EYS: variants seen among roughly 807,000 people sequenced by gnomAD.
EYS encodes the protein protein eyes shut homolog.
Under a neutral mutation model 282.1 loss-of-function variants are expected in EYS, and 250 were observed. That is an observed-to-expected ratio of 0.89 (90% CI 0.80 to 0.98). The LOEUF (loss-of-function observed/expected upper bound fraction) is 0.98. Among genes scored for constraint, EYS ranks in the 50% least tolerant of loss-of-function variants. EYS has a pLI of 0.00. For synonymous variants in EYS, 1,355 were observed against 1,282.9 expected (o/e 1.06, Z -1.20); for missense variants, 4,016 against 3,709.0 (o/e 1.08, Z -2.15).
At chr6:65,453,116 C>T (rs1764467990) in intron 5 of EYS, among the ~76,000 whole-genome samples, 1 of 151,932 alleles carries the variant, frequency 6.6e-6, no homozygotes, top group African/African-American at 2.4e-5. Flanking sequence ...TTTTCACAGA[C>T]ATATGTGTGG....
At chr6:65,436,291 G>C (rs1403054691) in intron 5 of EYS, among the ~76,000 whole-genome samples, 1 of 152,004 alleles carries the variant, frequency 6.6e-6, no homozygotes, top group Non-Finnish European at 1.5e-5. Flanking sequence ...TCTGACAATG[G>C]CTACTTACTA....
rs536025120 is a variant in EYS at position 64,317,236 on chromosome 6, A to AAT, written c.6079-10155_6079-10154insAT. On this transcript the variant is annotated intron_variant, in intron 29 of 42. Coordinates refer to ENST00000503581, the MANE Select transcript of EYS (RefSeq NM_001142800.2). ...TGACATCTAATTAAAGAGCTTCTGCACAGAAAAAGAAACTATCATCAGAAT... is the reference window on the plus strand; with the variant it reads ...TGACATCTAATTAAAGAGCTTCTGCAATCAGAAAAAGAAACTATCATCAGAAT... Among the ~76,000 whole-genome samples the AAT allele has an allele frequency of 1.6e-4, 25 of 152,030 alleles. No homozygotes were observed. In the East Asian group the frequency reaches 3.7e-3, roughly 22 times the overall value.
At chr6:63,789,505 T>C (rs935410775) in intron 37 of EYS, among the ~76,000 whole-genome samples, 6 of 152,158 alleles carry the variant, frequency 3.9e-5, no homozygotes, top group African/African-American at 1.2e-4. Context: ...TAAAATCTCC[T>C]TTTGTCGGAG....
intron 42 of EYS, among the ~76,000 whole-genome samples, chr6:63,722,835 T>G (rs1440017476): frequency 6.6e-6 from 1 of 152,246 alleles, no homozygotes; most frequent in Non-Finnish European, 1.5e-5. Flanking sequence ...CTGGTTGGAA[T>G]GTTTGGCAGC....
chr6:64,157,345 G>A (rs1377314757), intron 31 of EYS, among the ~76,000 whole-genome samples: 1 of 152,100 alleles, frequency 6.6e-6, no homozygotes, highest in Admixed American at 6.5e-5. Context: ...GAGCATAAAA[G>A]TTCAGAAAAT....
chr6:65,659,079 C>T lies in EYS; in HGVS notation c.-447-19187G>A, dbSNP rs187441533. 2.0e-3 allele frequency among the ~76,000 whole-genome samples: 303 copies of T among 151,484 alleles called. 3 individuals carry two copies. The Middle Eastern group carries it at 0.024, about 12-fold the overall frequency. Reference sequence around the variant, plus strand: ...TTGTTTTTGTAGTTAATTTAAATCTCTCTTGATTTATTTAATTTATAGCCT... The same window carrying T: ...TTGTTTTTGTAGTTAATTTAAATCTTTCTTGATTTATTTAATTTATAGCCT... On this transcript the variant is annotated intron_variant, in intron 1 of 42. Transcript: ENST00000503581.
chr6:65,401,118 A>C (rs982652905), intron 7 of EYS, among the ~76,000 whole-genome samples: 2 of 151,974 alleles, frequency 1.3e-5, no homozygotes, highest in Non-Finnish European at 2.9e-5. Flanking sequence ...TGTTAGAGTC[A>C]CTGACCTAGG....
At chr6:65,093,527 A>G (rs1456239274) in intron 12 of EYS, among the ~76,000 whole-genome samples, 1 of 151,932 alleles carries the variant, frequency 6.6e-6, no homozygotes, top group Non-Finnish European at 1.5e-5. Context: ...TGGAGGTAAA[A>G]GTGTAGAAAT....
intron 29 of EYS, among the ~76,000 whole-genome samples, chr6:64,353,449 G>A (rs1210282303): frequency 6.6e-6 from 1 of 151,586 alleles, no homozygotes; most frequent in Non-Finnish European, 1.5e-5. Flanking sequence ...TGGCAATACA[G>A]TCAACTTAAA....
At chr6:64,529,983 A>C (rs962144093) in intron 26 of EYS, among the ~76,000 whole-genome samples, 1 of 152,096 alleles carries the variant, frequency 6.6e-6, no homozygotes, top group Non-Finnish European at 1.5e-5. Flanking sequence ...AAATTTGTGC[A>C]TGGGTATTTC....
intron 32 of EYS, among the ~76,000 whole-genome samples, chr6:64,075,063 CTGTT>C (rs886805034): frequency 4.0e-5 from 6 of 151,896 alleles, no homozygotes; most frequent in African/African-American, 1.2e-4. Flanking sequence ...ATGATAAAGA[CTGTT>C]TGGTTATCTT....
intron 24 of EYS, among the ~76,000 whole-genome samples, chr6:64,615,227 C>T (rs1161716172): frequency 1.3e-5 from 2 of 152,086 alleles, no homozygotes; most frequent in African/African-American, 4.8e-5. Flanking sequence ...TTAAGACTCT[C>T]TCAAGTTTGA....
chr6:65,273,708 A>G (rs1245478933), intron 12 of EYS, among the ~76,000 whole-genome samples: 1 of 152,172 alleles, frequency 6.6e-6, no homozygotes, highest in Non-Finnish European at 1.5e-5. Flanking sequence ...CAAGGCCACA[A>G]GTTATGTTAT....
chr6:65,089,180 G>A lies in EYS; in HGVS notation c.2024-31453C>T, dbSNP rs573901371. ...AGAGTCCCCACTGTGGCACTGCCTA[G>A]TGGACTTGTGACAACAGGGCAATTA... On this transcript the variant is annotated intron_variant, in intron 12 of 42. Coordinates refer to ENST00000503581, the MANE Select transcript of EYS (RefSeq NM_001142800.2). Among the ~76,000 whole-genome samples the A allele has an allele frequency of 9.2e-5, 14 of 152,280 alleles. No individual in the cohort carries two copies. The East Asian group carries it at 1.2e-3, about 13-fold the overall frequency.
At chr6:65,183,351 A>G (rs1765438567) in intron 12 of EYS, among the ~76,000 whole-genome samples, 1 of 151,908 alleles carries the variant, frequency 6.6e-6, no homozygotes, top group Non-Finnish European at 1.5e-5. Context: ...AAAGTGTAAA[A>G]AGGGTGATAC....
At chr6:65,511,917 G>A (rs1176003735) in intron 2 of EYS, among the ~76,000 whole-genome samples, 4 of 149,894 alleles carry the variant, frequency 2.7e-5, no homozygotes, top group East Asian at 2.0e-4. Flanking sequence ...GGAGGCAGGC[G>A]GAGATTGCAG....
At chr6:65,317,715 A>T (rs1769329598) in intron 11 of EYS, among the ~76,000 whole-genome samples, 1 of 151,860 alleles carries the variant, frequency 6.6e-6, no homozygotes, top group Admixed American at 6.6e-5. Flanking sequence ...TGTTAAGCTC[A>T]CTCACTTGGA....
At chr6:65,355,077 C>A (rs550137792) in intron 8 of EYS, among the ~76,000 whole-genome samples, 1 of 152,056 alleles carries the variant, frequency 6.6e-6, no homozygotes, top group South Asian at 2.1e-4. Flanking sequence ...ATATGAAGGC[C>A]TAATGAATTC....
rs1766016384 is a variant in EYS, at chr6:65,490,840, A to G, written c.749-133T>C. The G allele has an allele frequency of 6.3e-6, 4 of 635,840 alleles. No homozygotes were observed. The Middle Eastern group carries it at 1.2e-3, about 192-fold the overall frequency. 39.4% of individuals were successfully genotyped at this position (635,840 alleles called of 1,614,324 possible). A position where few individuals can be genotyped will look rare whatever the true frequency, so the allele number is the denominator to read the frequency against. On this transcript the variant is annotated intron_variant, in intron 4 of 42. Coordinates refer to ENST00000503581, the MANE Select transcript of EYS (RefSeq NM_001142800.2). ...TTCAGTTATGAAACCATGTTATACG[A>G]TGATGCATTTAAATTGAAATAAAAA...
Sources: gnomAD v4.1 joint callset for allele counts (sites outside exome capture counted in the v4.1 genomes callset) on GRCh38, gnomAD v4.1.1 for gene constraint, MANE v1.5 for transcripts, NCBI Gene and HGNC (gene_info 2026-07-23, HGNC 2026-07-21) for gene names.